The following HEMK2 variants were observed in gnomAD, a reference collection of about 807,000 sequenced individuals.
HEMK2 encodes HemK methyltransferase 2, ETF1 glutamine and histone H4 lysine, also known as methyltransferase HEMK2.
chr21:28,826,810 A>G, the HEMK2 span, among the ~76,000 whole-genome samples: 1 of 152,200 alleles, frequency 6.6e-6, no homozygotes, highest in Non-Finnish European at 1.5e-5. Context: ...AATGAACTTT[A>G]GCCGCAGTGA....
the HEMK2 span, among the ~76,000 whole-genome samples, chr21:28,603,549 A>ATGTGTGTGTGTG: frequency 0.041 from 5,566 of 135,656 alleles, 210 homozygotes; most frequent in East Asian, 0.19. Flanking sequence ...GAGGATATAT[A>ATGTGTGTGTGTG]TGTGTGTGTG....
chr21:28,775,647 G>A, the HEMK2 span, among the ~76,000 whole-genome samples: 1 of 152,100 alleles, frequency 6.6e-6, no homozygotes, highest in Admixed American at 6.5e-5. Flanking sequence ...CCCCAACAAT[G>A]TCAAATTCTT....
the HEMK2 span, among the ~76,000 whole-genome samples, chr21:28,749,211 G>C: frequency 0.088 from 13,355 of 152,032 alleles, 805 homozygotes; most frequent in Non-Finnish European, 0.13. Flanking sequence ...AATATGACTA[G>C]GAACAAGGAG....
At chr21:28,737,059 AT>A in the HEMK2 span, among the ~76,000 whole-genome samples, 17 of 152,264 alleles carry the variant, frequency 1.1e-4, no homozygotes, top group African/African-American at 3.9e-4. Flanking sequence ...ATACAAAATG[AT>A]TGGGGTTGAG....
the HEMK2 span, among the ~76,000 whole-genome samples, chr21:28,683,692 C>A: frequency 6.6e-6 from 1 of 152,100 alleles, no homozygotes; most frequent in Non-Finnish European, 1.5e-5. Context: ...CAATTTACAT[C>A]TCCAGTGTTA....
chr21:28,746,672 T>TAA, the HEMK2 span, among the ~76,000 whole-genome samples: 23 of 144,902 alleles, frequency 1.6e-4, no homozygotes, highest in African/African-American at 2.3e-4. Context: ...AGGGCCAATC[T>TAA]AAAAAAAAAA....
the HEMK2 span, among the ~76,000 whole-genome samples, chr21:28,877,711 G>A: frequency 6.6e-6 from 1 of 152,076 alleles, no homozygotes; most frequent in African/African-American, 2.4e-5. Flanking sequence ...AGTATAAGCT[G>A]AAAATCAAAC....
the HEMK2 span, among the ~76,000 whole-genome samples, chr21:28,771,523 C>CCCT: frequency 3.8e-5 from 4 of 106,246 alleles, no homozygotes; most frequent in Admixed American, 3.6e-4. Flanking sequence ...GCACCACCCC[C>CCCT]CCCCGCCAAA....
At chr21:28,759,829 G>T in the HEMK2 span, among the ~76,000 whole-genome samples, 1 of 152,066 alleles carries the variant, frequency 6.6e-6, no homozygotes, top group Non-Finnish European at 1.5e-5. Context: ...TGATTGTGAG[G>T]CCTCCCCAGC....
At chr21:28,842,962 G>A in the HEMK2 span, among the ~76,000 whole-genome samples, 6 of 152,096 alleles carry the variant, frequency 3.9e-5, no homozygotes, top group East Asian at 1.2e-3. Context: ...TACTGGAGAT[G>A]GAAGAATGGG....
the HEMK2 span, among the ~76,000 whole-genome samples, chr21:28,870,987 T>G: frequency 1.1e-4 from 17 of 152,224 alleles, no homozygotes; most frequent in African/African-American, 4.1e-4. Flanking sequence ...TCACTGCTAT[T>G]GTTCAAATCT....
At chr21:28,738,926 A>G in the HEMK2 span, among the ~76,000 whole-genome samples, 17 of 152,200 alleles carry the variant, frequency 1.1e-4, no homozygotes, top group African/African-American at 4.1e-4. Context: ...ATTTTAATGC[A>G]TTTTGCTTTC....
At chr21:28,595,779 T>A in the HEMK2 span, among the ~76,000 whole-genome samples, 1 of 151,600 alleles carries the variant, frequency 6.6e-6, no homozygotes, top group African/African-American at 2.4e-5. Context: ...TTTACTTTAT[T>A]TATTTATTTA....
the HEMK2 span, among the ~76,000 whole-genome samples, chr21:28,814,367 A>C: frequency 0.43 from 65,144 of 150,678 alleles, 15,263 homozygotes; most frequent in East Asian, 0.7. Context: ...GCAACAAAAG[A>C]CAAAATTGAC....
At chr21:28,693,420 T>C in the HEMK2 span, among the ~76,000 whole-genome samples, 1 of 152,176 alleles carries the variant, frequency 6.6e-6, no homozygotes, top group South Asian at 2.1e-4. Context: ...TATAACATTT[T>C]CAACCTAACA....
At chr21:28,884,787 T>C in the HEMK2 span, among the ~76,000 whole-genome samples, 2 of 152,186 alleles carry the variant, frequency 1.3e-5, no homozygotes, top group African/African-American at 4.8e-5. Context: ...TTGTTAAGGG[T>C]GCTTTCTATG....
chr21:28,609,556 T>C, the HEMK2 span, among the ~76,000 whole-genome samples: 848 of 120,318 alleles, frequency 7.0e-3, 8 homozygotes, highest in Non-Finnish European at 0.01. Context: ...AAGAAACCTC[T>C]GAATTGCCAG....
At chr21:28,665,145 A>G in the HEMK2 span, among the ~76,000 whole-genome samples, 1 of 150,260 alleles carries the variant, frequency 6.7e-6, no homozygotes, top group Admixed American at 6.6e-5. Flanking sequence ...ATTAGCCAGG[A>G]GTGGCGGCAT....
the HEMK2 span, among the ~76,000 whole-genome samples, chr21:28,675,447 A>G: frequency 6.6e-6 from 1 of 152,206 alleles, no homozygotes; most frequent in Non-Finnish European, 1.5e-5. Context: ...TGAATATCTA[A>G]AGTGACTGCC....
Sources: gnomAD v4.1 joint callset for allele counts (sites outside exome capture counted in the v4.1 genomes callset) on GRCh38, gnomAD v4.1.1 for gene constraint, MANE v1.5 for transcripts, NCBI Gene and HGNC (gene_info 2026-07-23, HGNC 2026-07-21) for gene names.